The following MICU2 variants were observed in gnomAD, a reference collection of about 807,000 sequenced individuals.
MICU2 encodes the protein calcium uptake protein 2, mitochondrial.
A neutral mutation model predicts 60.4 loss-of-function variants in MICU2; 64 were observed. That is an observed-to-expected ratio of 1.06 (90% CI 0.87 to 1.31). The LOEUF (loss-of-function observed/expected upper bound fraction) is 1.31, where lower values mean the gene tolerates loss of function less well. Ranked by LOEUF, MICU2 falls within the 50% of genes most tolerant of loss-of-function variation. The pLI is 0.00. For synonymous variants in MICU2, 201 were observed against 175.0 expected (o/e 1.15, Z -1.17); for missense variants, 569 against 531.0 (o/e 1.07, Z -0.70).
At chr13:21,555,792 A>G (rs1444596403) in intron 2 of MICU2, among the ~76,000 whole-genome samples, 1 of 152,044 alleles carries the variant, frequency 6.6e-6, no homozygotes, top group Non-Finnish European at 1.5e-5. Context: ...ATTCACTGAG[A>G]AAAAAAGAAA....
chr13:21,529,258 G>C (rs1886930464), intron 4 of MICU2, among the ~76,000 whole-genome samples: 1 of 152,174 alleles, frequency 6.6e-6, no homozygotes, highest in Admixed American at 6.5e-5. Context: ...TCTTGGGTTT[G>C]GGTGAGTTAG....
intron 3 of MICU2, 61 bp downstream of exon 3, chr13:21,539,596 C>T (rs1440346726): frequency 6.8e-6 from 11 of 1,608,968 alleles, no homozygotes; most frequent in South Asian, 1.1e-5. Flanking sequence ...CCGTGCCCGG[C>T]CAAAAGTTCA....
At chr13:21,593,571 C>CAAAAAAAAA (rs71093338) in intron 1 of MICU2, among the ~76,000 whole-genome samples, 125 of 63,032 alleles carry the variant, frequency 2.0e-3, no homozygotes, top group Non-Finnish European at 2.5e-3. Context: ...CAATCCTAAG[C>CAAAAAAAAA]AAAAAAAAAA....
chr13:21,514,484 T>C lies in MICU2; in HGVS notation c.598-66A>G, dbSNP rs556322439. ...AGATTTTTCAAAACAACCTAAAAAATAGATGCCAACTTATTGTTATAAAAT... is the reference window on the plus strand; with the variant it reads ...AGATTTTTCAAAACAACCTAAAAAACAGATGCCAACTTATTGTTATAAAAT... On this transcript the variant is annotated intron_variant, in intron 6 of 11. Coordinates refer to ENST00000382374, the MANE Select transcript of MICU2 (RefSeq NM_152726.3). 606 of 1,114,480 alleles carry C rather than the reference T, an allele frequency of 5.4e-4. 12 individuals carry two copies. In the South Asian group the frequency reaches 6.6e-3, roughly 12 times the overall value. The allele number at this position is 1,114,480 out of a possible 1,614,324, so 69.0% of individuals were successfully genotyped here.
intron 4 of MICU2, chr13:21,530,842 G>C: frequency 1.4e-6 from 1 of 727,096 alleles, no homozygotes; most frequent in South Asian, 1.5e-5. Flanking sequence ...CATGGACGAC[G>C]GGTTTCTGAG....
At chr13:21,582,302 A>C (rs995033865) in intron 1 of MICU2, among the ~76,000 whole-genome samples, 1 of 152,214 alleles carries the variant, frequency 6.6e-6, no homozygotes. Flanking sequence ...ACAATAGCCA[A>C]AACTTTTAAC....
chr13:21,507,528 A>G (rs1391467838), intron 8 of MICU2, among the ~76,000 whole-genome samples: 2 of 152,134 alleles, frequency 1.3e-5, no homozygotes, highest in African/African-American at 2.4e-5. Flanking sequence ...ATTGTTCTAG[A>G]GAGCTTAAAT....
At chr13:21,507,855 G>C (rs1435074253) in intron 8 of MICU2, among the ~76,000 whole-genome samples, 4 of 151,912 alleles carry the variant, frequency 2.6e-5, no homozygotes, top group Admixed American at 6.6e-5. Context: ...TGCCCGCCTT[G>C]GCCTTCTAAA....
intron 2 of MICU2, among the ~76,000 whole-genome samples, chr13:21,543,298 C>G (rs1887327674): frequency 6.6e-6 from 1 of 152,088 alleles, no homozygotes; most frequent in Non-Finnish European, 1.5e-5. Context: ...TTTTATTCAA[C>G]ATAGAACTGG....
At chr13:21,565,309 C>T (rs944244001) in intron 2 of MICU2, among the ~76,000 whole-genome samples, 7 of 152,036 alleles carry the variant, frequency 4.6e-5, no homozygotes, top group Non-Finnish European at 1.0e-4. Context: ...GGGTGGATTA[C>T]CTGAGGTCAG....
At chr13:21,514,518 G>C in intron 6 of MICU2, 100 bp from the exon 7 acceptor site, 1 of 766,738 alleles carries the variant, frequency 1.3e-6, no homozygotes, top group Admixed American at 2.5e-5. Flanking sequence ...ATATATACTA[G>C]TTATTTGCTA....
intron 2 of MICU2, among the ~76,000 whole-genome samples, chr13:21,540,418 C>T (rs1593334438): frequency 6.6e-6 from 1 of 152,234 alleles, no homozygotes; most frequent in East Asian, 1.9e-4. Context: ...ACTAACTTTA[C>T]TTATTGCTCT....
At chr13:21,594,284 C>T (rs1253663925) in intron 1 of MICU2, among the ~76,000 whole-genome samples, 1 of 152,170 alleles carries the variant, frequency 6.6e-6, no homozygotes, top group Admixed American at 6.5e-5. Flanking sequence ...AAAAAGAGCT[C>T]ATCATCACTG....
At chr13:21,569,943 T>C (rs181567924) in intron 1 of MICU2, among the ~76,000 whole-genome samples, 96 of 152,162 alleles carry the variant, frequency 6.3e-4, no homozygotes, top group African/African-American at 2.2e-3. Flanking sequence ...CTAGCTCCTG[T>C]TAGAATAATA....
At chr13:21,523,766 T>G (rs765570405) in intron 4 of MICU2, among the ~76,000 whole-genome samples, 4 of 152,188 alleles carry the variant, frequency 2.6e-5, no homozygotes, top group Non-Finnish European at 5.9e-5. Context: ...GGGCCACTCA[T>G]GAGTAGTACA....
At chr13:21,553,145 C>A (rs906506315) in intron 2 of MICU2, among the ~76,000 whole-genome samples, 1 of 152,164 alleles carries the variant, frequency 6.6e-6, no homozygotes, top group African/African-American at 2.4e-5. Context: ...AGTTCCTTCA[C>A]AATCCCTTGT....
At chr13:21,533,325 T>C (rs1472252759) in intron 4 of MICU2, among the ~76,000 whole-genome samples, 1 of 59,024 alleles carries the variant, frequency 1.7e-5, no homozygotes, top group Admixed American at 2.1e-4. Flanking sequence ...GGCAGCGCAA[T>C]TTTTTTTTTT....
intron 7 of MICU2, among the ~76,000 whole-genome samples, chr13:21,512,708 C>T (rs1886462829): frequency 6.6e-6 from 1 of 152,122 alleles, no homozygotes; most frequent in Admixed American, 6.6e-5. Context: ...CTCCGCCTCC[C>T]AAAATGACGA....
At position 21,509,934 on chromosome 13, in the gene MICU2, A is replaced by C. The variant is rs553025665; in HGVS notation, c.761+70T>G. On this transcript the variant is annotated intron_variant, in intron 8 of 11. Transcript: ENST00000382374. ...TTATGATCTGCAGTTCTAGAAAATG[A>C]ATATATTCTGTTTCTCTTTATTTCT... The C allele has an allele frequency of 8.1e-6, 7 of 859,536 alleles. No homozygotes were observed. The East Asian group carries it at 2.1e-4, about 25-fold the overall frequency. The allele number at this position is 859,536 out of a possible 1,614,324, so 53.2% of individuals were successfully genotyped here.
Sources: gnomAD v4.1 joint callset for allele counts (sites outside exome capture counted in the v4.1 genomes callset) on GRCh38, gnomAD v4.1.1 for gene constraint, MANE v1.5 for transcripts, NCBI Gene and HGNC (gene_info 2026-07-23, HGNC 2026-07-21) for gene names.